Variants in POLE2 observed in about 807,000 individuals in gnomAD.
POLE2 encodes the protein DNA polymerase epsilon subunit 2.
POLE2 carries 56 observed loss-of-function variants against 79.4 expected under a neutral mutation model. The observed-to-expected ratio is 0.71, with a 90% CI of 0.57 to 0.88. The LOEUF is 0.88. Ranked by LOEUF, POLE2 falls within the 40% of genes least tolerant of loss-of-function variation. The pLI, the probability that POLE2 is intolerant of heterozygous loss-of-function variation, is 0.00. For synonymous variants in POLE2, 212 were observed against 214.0 expected (o/e 0.99, Z 0.08); for missense variants, 598 against 638.9 (o/e 0.94, Z 0.69).
In POLE2 at chr14:49,663,320, A is replaced by G; in HGVS notation, c.750T>C (p.Thr250=). The G allele has an allele frequency of 6.4e-7, 1 of 1,566,284 alleles. No homozygotes were observed. The highest frequency in any genetic ancestry group is 8.7e-7 in the Non-Finnish European group (1 of 1,143,356). ...TAAACCAAACATTTTAATACCTAGT[A>G]GTACTAGAGGGCTCAGTGGGTGGAA... ...FGFPPTEPSS[T]TRAYYGNINF... Residue 250 remains threonine, a synonymous_variant, in exon 10 of 19, where the codon ACT becomes ACC. Coordinates refer to ENST00000216367, the MANE Select transcript of POLE2 (RefSeq NM_002692.4).
intron 3 of POLE2, 64 bp from the exon 4 acceptor site, chr14:49,674,491 G>T: frequency 1.1e-6 from 1 of 916,652 alleles, no homozygotes; most frequent in Non-Finnish European, 1.8e-6. Flanking sequence ...AGGTGAACAT[G>T]ATAACTTGCA....
chr14:49,677,228 A>C (rs1323266661), intron 3 of POLE2: 10 of 788,554 alleles, frequency 1.3e-5, no homozygotes, highest in Non-Finnish European at 2.2e-5. Flanking sequence ...CTCACGGCTT[A>C]CTGTCTGAGG....
intron 5 of POLE2, among the ~76,000 whole-genome samples, chr14:49,672,722 A>C (rs1885987941): frequency 6.6e-6 from 1 of 151,814 alleles, no homozygotes; most frequent in Non-Finnish European, 1.5e-5. Flanking sequence ...TGGTCTCGAA[A>C]TCCCGACCTC....
In POLE2 at chr14:49,655,050, A is replaced by T; in HGVS notation, c.973T>A (p.Phe325Ile). 1 of 1,579,898 alleles carries T rather than the reference A, an allele frequency of 6.3e-7. No homozygotes were observed. The highest frequency in any genetic ancestry group is 8.6e-7 in the Non-Finnish European group (1 of 1,161,918). Reference sequence around the variant, plus strand: ...TTTTTTCCATATGGTGCAGATGAAAAATTACCACACAGAATAAAGCAGGTT... The same window carrying T: ...TTTTTTCCATATGGTGCAGATGAAATATTACCACACAGAATAAAGCAGGTT... ...PPTCFILCGN[F>I]SSAPYGKNQV... The change falls in exon 12 of 19, where the codon TTT (phenylalanine) becomes ATT (isoleucine). Residue 325 changes from phenylalanine to isoleucine, a missense_variant. Physicochemically the swap from Phe to Ile is conservative, Grantham distance 21. Coordinates refer to ENST00000216367, the MANE Select transcript of POLE2 (RefSeq NM_002692.4).
At chr14:49,670,317 CAAAAAAAAAAAAAA>C (rs61383006) in intron 5 of POLE2, among the ~76,000 whole-genome samples, 2 of 59,114 alleles carry the variant, frequency 3.4e-5, no homozygotes, top group Admixed American at 3.9e-4. Context: ...ACTGTGTCTC[CAAAAAAAAAAAAAA>C]AAAAAAAAAA....
chr14:49,664,185 C>T (rs1461674914), intron 9 of POLE2, among the ~76,000 whole-genome samples: 3 of 151,640 alleles, frequency 2.0e-5, no homozygotes, highest in Non-Finnish European at 4.4e-5. Context: ...CCCGTCTCTA[C>T]TAAAATACAA....
chr14:49,657,249 T>A (rs374570623), intron 10 of POLE2, among the ~76,000 whole-genome samples: 1 of 152,268 alleles, frequency 6.6e-6, no homozygotes, highest in East Asian at 1.9e-4. Flanking sequence ...TAAAACAATA[T>A]TTCACAGTAA....
chr14:49,687,299 A>C (rs1032596595), intron 1 of POLE2, among the ~76,000 whole-genome samples: 445 of 98,006 alleles, frequency 4.5e-3, no homozygotes, highest in Non-Finnish European at 7.5e-3. Context: ...ATACACACAC[A>C]CCACACACAC....
rs140280151 is a variant in POLE2 at position 49,679,839 on chromosome 14, A to C, written c.170-39T>G. On this transcript the variant is annotated intron_variant, in intron 2 of 18. Transcript: ENST00000216367. Reference sequence around the variant, plus strand: ...TTCAAAGTCAAAATTTAAAAACAAAAAAAAAAATAGTTCTTTCCACAGACA... The same window carrying C: ...TTCAAAGTCAAAATTTAAAAACAAACAAAAAAATAGTTCTTTCCACAGACA... 9.7e-4 allele frequency: 1,119 copies of C among 1,156,022 alleles called. 7 individuals are homozygous for C. The African/African-American group carries it at 0.015, about 16-fold the overall frequency. The allele number at this position is 1,156,022 out of a possible 1,614,324, so 71.6% of individuals were successfully genotyped here.
intron 5 of POLE2, among the ~76,000 whole-genome samples, chr14:49,671,111 G>A (rs1186033233): frequency 1.3e-5 from 2 of 152,148 alleles, no homozygotes; most frequent in African/African-American, 4.8e-5. Flanking sequence ...ATGAATAAAC[G>A]AGGCTCAGAA....
chr14:49,657,427 TC>T (rs1331146862), intron 10 of POLE2, among the ~76,000 whole-genome samples: 2 of 151,154 alleles, frequency 1.3e-5, no homozygotes, highest in African/African-American at 4.9e-5. Context: ...TATAGTTGAT[TC>T]CTTTTTTTTT....
chr14:49,679,744 G>A lies in POLE2; in HGVS notation c.226C>T (p.Gln76Ter). 1 of 1,597,476 alleles carries A rather than the reference G, an allele frequency of 6.3e-7. No individual in the cohort carries two copies. The highest frequency in any genetic ancestry group is 8.6e-7 in the Non-Finnish European group (1 of 1,165,248). Residue 76 changes from glutamine to a stop codon, truncating the protein, a stop_gained, in exon 3 of 19, where the codon CAG (glutamine) becomes TAG (stop). Coordinates refer to ENST00000216367, the MANE Select transcript of POLE2 (RefSeq NM_002692.4). LOFTEE classifies it high-confidence loss of function. ...ACATACATAGTTTCATCAACAGACT[G>A]ACTGCATTCCTGGACTGCTGCTTCC... is the stretch of plus-strand genomic sequence containing the variant. ...VVEAAVQECS[Q>*]SVDETIEHVF...
At chr14:49,664,120 G>A (rs1356304467) in intron 9 of POLE2, among the ~76,000 whole-genome samples, 7 of 151,788 alleles carry the variant, frequency 4.6e-5, no homozygotes, top group Middle Eastern at 3.2e-3. Flanking sequence ...AGGCCGAGGC[G>A]GGTGGACTGC....
rs61383006 is a variant in POLE2, at chr14:49,670,317, CAAAAAAAAAAAA to C, written c.418-731_418-720del. Among the ~76,000 whole-genome samples the C allele has an allele frequency of 2.1e-3, 122 of 59,108 alleles. 2 individuals carry two copies. In the Middle Eastern group the frequency reaches 0.036, roughly 17 times the overall value. The allele number at this position is 59,108 out of a possible 152,430, so 38.8% of individuals were successfully genotyped here. A position where few individuals can be genotyped will look rare whatever the true frequency, so the allele number is the denominator to read the frequency against. ...GGCAACAAGAGCGAAACTGTGTCTC[CAAAAAAAAAAAA>C]AAAAAAAAAAAAAAAGACATTTCAG... On this transcript the variant is annotated intron_variant, in intron 5 of 18. Transcript: ENST00000216367.
At chr14:49,687,903 T>C (rs1400646780) in intron 1 of POLE2, among the ~76,000 whole-genome samples, 1 of 152,168 alleles carries the variant, frequency 6.6e-6, no homozygotes, top group Non-Finnish European at 1.5e-5. Flanking sequence ...CTTCACCATG[T>C]TGGCCAGGAT....
At chr14:49,668,559 G>C (rs535734332) in intron 6 of POLE2, among the ~76,000 whole-genome samples, 2 of 152,194 alleles carry the variant, frequency 1.3e-5, no homozygotes, top group South Asian at 4.1e-4. Context: ...TATACAGGTA[G>C]ATAAATGTAA....
chr14:49,652,166 G>A lies in POLE2; in HGVS notation c.1212-789C>T, dbSNP rs1884297768. 5.1e-5 allele frequency among the ~76,000 whole-genome samples: 2 copies of A among 38,946 alleles called. 1 individual carries two copies. Among genetic ancestry groups the A allele is most frequent in the Non-Finnish European group, 1.5e-4 (2 of 13,142 alleles). 25.6% of individuals were successfully genotyped at this position (38,946 alleles called of 152,430 possible). On this transcript the variant is annotated intron_variant, in intron 15 of 18. Coordinates refer to ENST00000216367, the MANE Select transcript of POLE2 (RefSeq NM_002692.4). ...TCACACTGCGTTAAGAATAGAATAC[G>A]GAGAGGAGAATGGCATGAACCCGGG...
rs374678938 is a variant in POLE2 at position 49,683,667 on chromosome 14, G to A, written c.95C>T (p.Ala32Val). Residue 32 changes from alanine (A) to valine (V), a missense_variant, in exon 2 of 19, where the codon GCT (alanine) becomes GTT (valine). Physicochemically the swap from Ala to Val is moderately conservative, Grantham distance 64. Transcript: ENST00000216367. Reference protein sequence around the residue: ...RGEAIKYLTEALQSISELELE... With the variant: ...RGEAIKYLTEVLQSISELELE... Reference sequence around the variant, plus strand: ...CTCTAATTCACTGATAGACTGAAGAGCTTCTGTGAGGTACTTAATAGCTTC... The same window carrying A: ...CTCTAATTCACTGATAGACTGAAGAACTTCTGTGAGGTACTTAATAGCTTC... 32 of 1,581,154 alleles carry A rather than the reference G, an allele frequency of 2.0e-5. No individual in the cohort carries two copies. The highest frequency in any genetic ancestry group is 2.5e-5 in the Non-Finnish European group (29 of 1,153,270).
At chr14:49,680,847 G>A (rs1886650522) in intron 2 of POLE2, among the ~76,000 whole-genome samples, 1 of 151,600 alleles carries the variant, frequency 6.6e-6, no homozygotes, top group Non-Finnish European at 1.5e-5. Context: ...TAGCCAGGAT[G>A]GTCTCGATCT....
Sources: allele counts gnomAD v4.1 joint callset (sites outside exome capture counted in the v4.1 genomes callset), GRCh38; gene constraint gnomAD v4.1.1; transcripts MANE v1.5; gene names NCBI Gene and HGNC (gene_info 2026-07-23, HGNC 2026-07-21).